Variants in PPP1R12A observed in about 807,000 individuals in gnomAD.
PPP1R12A encodes myosin binding subunit.
Under a neutral mutation model 139.6 loss-of-function variants are expected in PPP1R12A, and 19 were observed. That is an observed-to-expected ratio of 0.14 (90% CI 0.09 to 0.20). The LOEUF is 0.20. PPP1R12A is among the 10% of genes least tolerant of loss of function. PPP1R12A has a pLI of 1.00. For missense variants in PPP1R12A, 925 were observed against 1,211.5 expected (o/e 0.76, Z 3.51); for synonymous variants, 427 against 420.6 (o/e 1.02, Z -0.19).
chr12:79,797,583 T>C (rs1415528677), intron 15 of PPP1R12A, among the ~76,000 whole-genome samples, 188 bp from the exon 16 acceptor site: 3 of 152,124 alleles, frequency 2.0e-5, no homozygotes, highest in African/African-American at 7.2e-5. Flanking sequence ...AGCACAACGA[T>C]AGGTACTGGA....
intron 1 of PPP1R12A, among the ~76,000 whole-genome samples, chr12:79,919,908 T>TA (rs1174134012): frequency 6.6e-6 from 1 of 152,220 alleles, no homozygotes; most frequent in African/African-American, 2.4e-5. Context: ...TCACATACCA[T>TA]AAAATAACCC....
intron 3 of PPP1R12A, among the ~76,000 whole-genome samples, chr12:79,834,101 A>G (rs1877794288): frequency 6.6e-6 from 1 of 152,194 alleles, no homozygotes; most frequent in African/African-American, 2.4e-5. Flanking sequence ...TGAACTTATT[A>G]TATGGCAGAA....
intron 1 of PPP1R12A, among the ~76,000 whole-genome samples, chr12:79,924,139 T>C (rs1162431857): frequency 6.6e-6 from 1 of 152,186 alleles, no homozygotes; most frequent in Non-Finnish European, 1.5e-5. Context: ...AATTTTCATG[T>C]ATATCAAAAA....
intron 14 of PPP1R12A, among the ~76,000 whole-genome samples, chr12:79,802,655 C>G (rs1173628030): frequency 1.3e-5 from 2 of 152,010 alleles, no homozygotes; most frequent in Non-Finnish European, 1.5e-5. Context: ...TGATGGCACA[C>G]CTGTAGTCCT....
chr12:79,894,817 G>A (rs1016013665), intron 1 of PPP1R12A, among the ~76,000 whole-genome samples: 9 of 152,110 alleles, frequency 5.9e-5, no homozygotes, highest in South Asian at 2.1e-4. Flanking sequence ...AATAGCTTAC[G>A]CAGCTAAAAC....
chr12:79,898,418 G>A (rs959067222), intron 1 of PPP1R12A, among the ~76,000 whole-genome samples: 1 of 152,052 alleles, frequency 6.6e-6, no homozygotes, highest in South Asian at 2.1e-4. Context: ...ATGGTGCCAC[G>A]GCACTCCAGC....
intron 1 of PPP1R12A, among the ~76,000 whole-genome samples, chr12:79,873,327 G>A (rs1249678882): frequency 6.6e-6 from 1 of 151,950 alleles, no homozygotes; most frequent in Non-Finnish European, 1.5e-5. Context: ...CTGTTTTCAA[G>A]AAAAAACTAA....
At chr12:79,890,897 ACACCCACC>A (rs759199406) in intron 1 of PPP1R12A, among the ~76,000 whole-genome samples, 7,781 of 90,738 alleles carry the variant, frequency 0.086, 442 homozygotes, top group African/African-American at 0.29. Flanking sequence ...CCACCCACCC[ACACCCACC>A]CACACACACA....
chr12:79,847,444 C>T (rs928007839), intron 2 of PPP1R12A, among the ~76,000 whole-genome samples: 13 of 152,276 alleles, frequency 8.5e-5, no homozygotes, highest in African/African-American at 2.9e-4. Context: ...CCTGATTACA[C>T]ATGAGACTGA....
chr12:79,857,212 G>C lies in PPP1R12A; in HGVS notation c.369-11792C>G, dbSNP rs181806452. On this transcript the variant is annotated intron_variant, in intron 2 of 24. Coordinates refer to ENST00000450142, the MANE Select transcript of PPP1R12A (RefSeq NM_002480.3). ...GTCCAACAATGATAGACTGGATTAA[G>C]AAAATGTGGCACATATACACCATGG... Among the ~76,000 whole-genome samples the C allele has an allele frequency of 5.2e-3, 788 of 152,170 alleles. 5 individuals carry two copies. The highest frequency in any genetic ancestry group is 0.018 in the African/African-American group (748 of 41,494).
At position 79,926,797 on chromosome 12, in the gene PPP1R12A, C is replaced by G. The variant is rs1317707347; in HGVS notation, c.237+7898G>C. Among the ~76,000 whole-genome samples, 6 of 152,084 alleles carry G rather than the reference C, an allele frequency of 3.9e-5. 1 individual carries two copies. Among genetic ancestry groups the G allele is most frequent in the Admixed American group, 3.3e-4 (5 of 15,266 alleles). ...AGGGTATATAAGGGACTTCTTCCCC[C>G]CCACCCCCAGTATCCATGGTATGAA... On this transcript the variant is annotated intron_variant, in intron 1 of 24. Transcript: ENST00000450142.
chr12:79,880,915 T>C (rs1250126349), intron 1 of PPP1R12A, among the ~76,000 whole-genome samples: 2 of 152,198 alleles, frequency 1.3e-5, no homozygotes, highest in Admixed American at 6.5e-5. Flanking sequence ...ATATTTTAAA[T>C]TTTTTCATTA....
chr12:79,853,157 T>C (rs1432936726), intron 2 of PPP1R12A, among the ~76,000 whole-genome samples: 1 of 152,156 alleles, frequency 6.6e-6, no homozygotes, highest in Non-Finnish European at 1.5e-5. Flanking sequence ...GTGACCAATG[T>C]TTTTTTCTGT....
intron 2 of PPP1R12A, chr12:79,848,791 C>A (rs1170282384): frequency 6.6e-6 from 1 of 152,034 alleles, no homozygotes. Flanking sequence ...ATCTCACGGA[C>A]TGATTAATCC....
At position 79,808,555 on chromosome 12, in the gene PPP1R12A, C is replaced by T. The variant is rs1194861408; in HGVS notation, c.1478G>A (p.Arg493Lys). ...TATTGTAGGTGCAACATATGCAAGC[C>T]TAGTTCCTTTACTATCTTTCTCCTA... ...KEKEKDSKGT[R>K]LAYVAPTIPR... is the part of the protein sequence containing the mutation. Residue 493 changes from arginine to lysine, a missense_variant, in exon 11 of 25, where the codon AGG becomes AAG. Arg to Lys is a conservative substitution (Grantham distance 26). This residue lies in a region of PPP1R12A where 403 missense variants were observed against 463.7 expected (regional missense o/e 0.87). Transcript: ENST00000450142. 1 of 1,606,308 alleles carries T rather than the reference C, an allele frequency of 6.2e-7. No individual in the cohort carries two copies. Among genetic ancestry groups the T allele is most frequent in the East Asian group, 2.2e-5 (1 of 44,722 alleles).
chr12:79,882,865 G>A (rs747959337), intron 1 of PPP1R12A, among the ~76,000 whole-genome samples: 13 of 152,076 alleles, frequency 8.5e-5, no homozygotes, highest in Non-Finnish European at 1.8e-4. Context: ...TAGGCCAGGC[G>A]CGGTGGCTCA....
chr12:79,926,977 A>C lies in PPP1R12A; in HGVS notation c.237+7718T>G, dbSNP rs528400864. ...TTTGGGAGGCTGAGGTGGGAGGATC[A>C]CTTGGGCCCAGAAGTTTGAGACTAG... On this transcript the variant is annotated intron_variant, in intron 1 of 24. Transcript: ENST00000450142. Among the ~76,000 whole-genome samples the C allele has an allele frequency of 4.6e-5, 7 of 152,220 alleles. 1 individual carries two copies. The highest frequency in any genetic ancestry group is 1.7e-4 in the African/African-American group (7 of 41,554).
At position 79,812,435 on chromosome 12, in the gene PPP1R12A, C is replaced by T. The variant is rs1377425926; in HGVS notation, c.1240-2425G>A. Among the ~76,000 whole-genome samples the T allele has an allele frequency of 3.8e-5, 4 of 104,690 alleles. No homozygotes were observed. In the East Asian group the frequency reaches 1.2e-3, roughly 32 times the overall value. The allele number at this position is 104,690 out of a possible 152,430, so 68.7% of individuals were successfully genotyped here. ...GTGTGTGTGTGTAACGTTCCTTATA[C>T]AGGCTGTGTGTGTTTGTGTGTGTGT... On this transcript the variant is annotated intron_variant, in intron 9 of 24. Coordinates refer to ENST00000450142, the MANE Select transcript of PPP1R12A (RefSeq NM_002480.3).
chr12:79,895,521 T>C (rs1037843995), intron 1 of PPP1R12A, among the ~76,000 whole-genome samples: 5 of 149,628 alleles, frequency 3.3e-5, no homozygotes, highest in African/African-American at 1.0e-4. Context: ...CAGCTCAGCT[T>C]ACAAAACAGC....
Sources: gnomAD v4.1 joint callset for allele counts (sites outside exome capture counted in the v4.1 genomes callset) on GRCh38, gnomAD v4.1.1 for gene constraint, gnomAD v4.1.1 regional missense constraint, MANE v1.5 for transcripts, NCBI Gene and HGNC (gene_info 2026-07-23, HGNC 2026-07-21) for gene names.